Variants in KIF6 observed in about 807,000 individuals in gnomAD.
KIF6 encodes kinesin family member 6, also known as kinesin-like protein KIF6.
In KIF6, 106 loss-of-function variants were observed where a neutral mutation model predicts 112.7. The ratio of observed to expected loss-of-function variants is 0.94; its 90% CI spans 0.80 to 1.11. The LOEUF (loss-of-function observed/expected upper bound fraction) is 1.11, where lower values mean the gene tolerates loss of function less well. Ranked by LOEUF, KIF6 falls within the 50% of genes least tolerant of loss-of-function variation. The pLI is 0.00. For missense variants in KIF6, 929 were observed against 964.0 expected (o/e 0.96, Z 0.48); for synonymous variants, 339 against 339.9 (o/e 1.00, Z 0.03).
chr6:39,525,642 T>G (rs1050720806), intron 13 of KIF6, among the ~76,000 whole-genome samples: 1 of 151,806 alleles, frequency 6.6e-6, no homozygotes, highest in African/African-American at 2.4e-5. Flanking sequence ...ATAATCCAGC[T>G]ACTCGGGAGG....
chr6:39,578,663 C>T (rs536567105), intron 9 of KIF6, among the ~76,000 whole-genome samples: 2 of 152,064 alleles, frequency 1.3e-5, no homozygotes, highest in Non-Finnish European at 2.9e-5. Context: ...TAAAACATTA[C>T]TGATGTAACT....
chr6:39,438,948 T>A (rs1189922567), intron 13 of KIF6, among the ~76,000 whole-genome samples: 1 of 152,234 alleles, frequency 6.6e-6, no homozygotes, highest in Non-Finnish European at 1.5e-5. Context: ...GTGTTACAAT[T>A]GCCTACAGTA....
chr6:39,361,268 T>C (rs1304831398), intron 17 of KIF6, among the ~76,000 whole-genome samples: 1 of 151,864 alleles, frequency 6.6e-6, no homozygotes, highest in Admixed American at 6.6e-5. Context: ...ACAAGAAGAA[T>C]GGGTTGGAGG....
chr6:39,348,346 G>C (rs1361352395), intron 19 of KIF6, among the ~76,000 whole-genome samples: 1 of 152,122 alleles, frequency 6.6e-6, no homozygotes, highest in Non-Finnish European at 1.5e-5. Context: ...AGAAGGGCAC[G>C]ATCACACCGT....
At chr6:39,577,983 C>T in intron 10 of KIF6, 73 bp downstream of exon 10, 3 of 1,029,724 alleles carry the variant, frequency 2.9e-6, no homozygotes, top group Non-Finnish European at 4.5e-6. Context: ...GAATTCATAA[C>T]ATTAGGGCCA....
chr6:39,482,900 C>A (rs1003220742), intron 13 of KIF6, among the ~76,000 whole-genome samples: 5 of 152,156 alleles, frequency 3.3e-5, no homozygotes, highest in South Asian at 2.1e-4. Context: ...GGAAACTGGG[C>A]CCTAGAGAAG....
At chr6:39,527,053 G>C (rs1777779245) in intron 13 of KIF6, among the ~76,000 whole-genome samples, 1 of 152,164 alleles carries the variant, frequency 6.6e-6, no homozygotes, top group Admixed American at 6.5e-5. Flanking sequence ...CCTGTTAGAG[G>C]ATTGGGTATA....
intron 13 of KIF6, among the ~76,000 whole-genome samples, chr6:39,499,364 G>T (rs1775975947): frequency 6.6e-6 from 1 of 151,936 alleles, no homozygotes; most frequent in Non-Finnish European, 1.5e-5. Flanking sequence ...GGGAGAAAAG[G>T]TATTATAAGA....
intron 7 of KIF6, among the ~76,000 whole-genome samples, chr6:39,586,645 T>G (rs1202929224): frequency 1.3e-5 from 2 of 152,186 alleles, no homozygotes; most frequent in African/African-American, 2.4e-5. Context: ...TTTGGACAAA[T>G]GAAATAACCT....
intron 14 of KIF6, among the ~76,000 whole-genome samples, chr6:39,427,926 A>G (rs1048409555): frequency 3.3e-5 from 5 of 152,224 alleles, no homozygotes; most frequent in Non-Finnish European, 5.9e-5. Flanking sequence ...TACAAACCAG[A>G]ACCAGAAACA....
intron 13 of KIF6, among the ~76,000 whole-genome samples, chr6:39,482,635 T>C (rs1345419762): frequency 2.0e-5 from 3 of 152,252 alleles, no homozygotes; most frequent in Non-Finnish European, 2.9e-5. Context: ...TCATGCAGTA[T>C]TGGGCTCGTG....
At chr6:39,562,134 T>A (rs1332755803) in intron 10 of KIF6, among the ~76,000 whole-genome samples, 2 of 152,328 alleles carry the variant, frequency 1.3e-5, no homozygotes, top group East Asian at 3.9e-4. Flanking sequence ...TTACTTGAAC[T>A]GTGAGGAATT....
intron 12 of KIF6, among the ~76,000 whole-genome samples, chr6:39,544,271 T>C (rs895288766): frequency 6.6e-5 from 10 of 152,294 alleles, no homozygotes; most frequent in African/African-American, 2.2e-4. Context: ...AAAAAATTAA[T>C]GTTAAAAGAT....
chr6:39,490,716 T>C (rs752834397), intron 13 of KIF6, among the ~76,000 whole-genome samples: 12 of 152,120 alleles, frequency 7.9e-5, no homozygotes, highest in Non-Finnish European at 1.6e-4. Flanking sequence ...TTATAAAATA[T>C]CAAATTATCC....
intron 3 of KIF6, among the ~76,000 whole-genome samples, chr6:39,681,480 A>G (rs1787508093): frequency 6.6e-6 from 1 of 152,220 alleles, no homozygotes; most frequent in South Asian, 2.1e-4. Flanking sequence ...TGTTTTAAAA[A>G]AAAACTCTAG....
At chr6:39,476,143 G>A (rs141028183) in intron 13 of KIF6, among the ~76,000 whole-genome samples, 6 of 151,656 alleles carry the variant, frequency 4.0e-5, no homozygotes, top group Non-Finnish European at 8.8e-5. Flanking sequence ...AACTACCATG[G>A]CACATGTTTA....
chr6:39,343,283 C>T lies in KIF6; in HGVS notation c.2428+426G>A. On this transcript the variant is annotated intron_variant, in intron 22 of 22. Transcript: ENST00000287152. This position sits in a 1 kb window ranked among gnomAD's most constrained non-coding sequence, Gnocchi z 4.1. ...CTTCAAGCAGTGTTTACACTCACAG[C>T]TCTTTGGCAAGAACCACACTCTGAT... 2 of 1,290,168 alleles carry T rather than the reference C, an allele frequency of 1.6e-6. No individual in the cohort carries two copies. The highest frequency in any genetic ancestry group is 2.0e-6 in the Non-Finnish European group (2 of 989,268). 79.9% of individuals were successfully genotyped at this position (1,290,168 alleles called of 1,614,324 possible).
At chr6:39,437,339 C>T (rs1771595691) in intron 13 of KIF6, among the ~76,000 whole-genome samples, 1 of 152,096 alleles carries the variant, frequency 6.6e-6, no homozygotes, top group African/African-American at 2.4e-5. Context: ...TTTCTCTTTT[C>T]CAATTTGGAT....
intron 5 of KIF6, among the ~76,000 whole-genome samples, chr6:39,627,620 T>A (rs1784157263): frequency 6.6e-6 from 1 of 152,218 alleles, no homozygotes; most frequent in Non-Finnish European, 1.5e-5. Context: ...ATGTGGTGAC[T>A]TAAATTTAAC....
Sources: gnomAD v4.1 joint callset for allele counts (sites outside exome capture counted in the v4.1 genomes callset) on GRCh38, gnomAD v4.1.1 for gene constraint, Gnocchi (gnomAD v3.1) non-coding constraint, MANE v1.5 for transcripts, NCBI Gene and HGNC (gene_info 2026-07-23, HGNC 2026-07-21) for gene names.